Variants in APPBP2 observed in about 807,000 individuals in gnomAD.
APPBP2 encodes amyloid protein-binding protein 2.
A neutral mutation model predicts 76.0 loss-of-function variants in APPBP2; 15 were observed. That is an observed-to-expected ratio of 0.20 (90% CI 0.13 to 0.30). The LOEUF (loss-of-function observed/expected upper bound fraction) is 0.30, where lower values mean the gene tolerates loss of function less well. Ranked by LOEUF, APPBP2 falls within the 10% of genes least tolerant of loss-of-function variation. The pLI is 1.00. For synonymous variants in APPBP2, 222 were observed against 242.2 expected, an observed-to-expected ratio of 0.92 and a Z score of 0.77; for missense variants, 401 against 687.2, an observed-to-expected ratio of 0.58 and a Z score of 4.66.
chr17:60,495,569 A>G (rs972731550), intron 2 of APPBP2, among the ~76,000 whole-genome samples: 8 of 151,864 alleles, frequency 5.3e-5, no homozygotes, highest in African/African-American at 1.9e-4. Context: ...ACTGGTCTCA[A>G]TTAAGATCCT....
intron 4 of APPBP2, among the ~76,000 whole-genome samples, chr17:60,472,838 G>A (rs1020683970): frequency 2.6e-5 from 4 of 152,074 alleles, no homozygotes; most frequent in Non-Finnish European, 5.9e-5. Flanking sequence ...GTACTTTTAA[G>A]GTACACTGCT....
chr17:60,480,281 G>C (rs2090619197), intron 3 of APPBP2, among the ~76,000 whole-genome samples: 1 of 152,092 alleles, frequency 6.6e-6, no homozygotes, highest in Non-Finnish European at 1.5e-5. Context: ...GCTGGGGTGG[G>C]AGAATGGCTT....
At chr17:60,480,836 G>C (rs1242941624) in intron 3 of APPBP2, among the ~76,000 whole-genome samples, 3 of 152,154 alleles carry the variant, frequency 2.0e-5, no homozygotes, top group African/African-American at 7.2e-5. Flanking sequence ...AGGCACTGGA[G>C]AAATGGGCTG....
rs565202971 is a variant in APPBP2, at chr17:60,491,608, C to T, written c.379+2858G>A. ...TACAGGCACCCGCCAACAGGCCCGG[C>T]TAGTTTTTGTATTTTTAGTAGAGAT... On this transcript the variant is annotated intron_variant, in intron 3 of 12. Coordinates refer to ENST00000083182, the MANE Select transcript of APPBP2 (RefSeq NM_006380.5). Among the ~76,000 whole-genome samples, 3 of 152,066 alleles carry T rather than the reference C, an allele frequency of 2.0e-5. 1 individual carries two copies. In the South Asian group the frequency reaches 6.2e-4, roughly 32 times the overall value.
intron 3 of APPBP2, among the ~76,000 whole-genome samples, chr17:60,491,839 G>C (rs557837783): frequency 6.6e-6 from 1 of 152,312 alleles, no homozygotes; most frequent in South Asian, 2.1e-4. Context: ...TTTGTGAGAA[G>C]AACTGCAAGC....
chr17:60,453,410 C>A (rs974103933), intron 11 of APPBP2, among the ~76,000 whole-genome samples: 10 of 151,932 alleles, frequency 6.6e-5, no homozygotes, highest in Admixed American at 4.6e-4. Flanking sequence ...TCTTGAACTC[C>A]TGACCCTCAA....
rs1555637800 is a variant in APPBP2 at position 60,525,939 on chromosome 17, CCCTCCTCCT to C, written c.-17_-9del. The C allele has an allele frequency of 1.9e-5, 31 of 1,593,392 alleles. No homozygotes were observed. Among genetic ancestry groups the C allele is most frequent in the East Asian group, 4.5e-5 (2 of 44,166 alleles). On this transcript the variant is annotated 5_prime_UTR_variant, in exon 1 of 13. Transcript: ENST00000083182. ...TAGTTCCACGGCCGCCATCTTCCTT[CCCTCCTCCT>C]CCGCCTCCTCCGCCTCCTCCTCCCG... is the stretch of plus-strand genomic sequence containing the variant.
intron 12 of APPBP2, among the ~76,000 whole-genome samples, chr17:60,449,145 G>A (rs2090372039): frequency 6.6e-6 from 1 of 152,196 alleles, no homozygotes; most frequent in South Asian, 2.1e-4. Context: ...ACTCTAAGTA[G>A]TAGGTCTGTT....
intron 12 of APPBP2, among the ~76,000 whole-genome samples, chr17:60,450,958 T>C (rs2090390286): frequency 6.6e-6 from 1 of 152,090 alleles, no homozygotes; most frequent in Non-Finnish European, 1.5e-5. Flanking sequence ...GACAAATCAA[T>C]ATAAAAATGG....
intron 3 of APPBP2, among the ~76,000 whole-genome samples, chr17:60,490,036 GAAAACAAAACAAAAC>G (rs113547899): frequency 1.3e-5 from 2 of 151,378 alleles, no homozygotes; most frequent in African/African-American, 4.9e-5. Flanking sequence ...CTCCATCTCA[GAAAACAAAACAAAAC>G]AAAACAAAAC....
chr17:60,483,280 A>AT (rs1598358687), intron 3 of APPBP2, among the ~76,000 whole-genome samples: 1 of 151,486 alleles, frequency 6.6e-6, no homozygotes, highest in East Asian at 1.9e-4. Flanking sequence ...GGGTTGTTTG[A>AT]TTTTTTCTTG....
intron 3 of APPBP2, among the ~76,000 whole-genome samples, chr17:60,485,747 G>C (rs889696226): frequency 6.6e-6 from 1 of 151,996 alleles, no homozygotes; most frequent in Non-Finnish European, 1.5e-5. Context: ...GCTAGCTTTC[G>C]AACTTGTTTG....
At position 60,445,985 on chromosome 17, in the gene APPBP2, T is replaced by C. The variant is rs1004685094; in HGVS notation, c.*1596A>G. The C allele has an allele frequency of 2.6e-5, 4 of 152,140 alleles. No homozygotes were observed. Among genetic ancestry groups the C allele is most frequent in the Admixed American group, 1.3e-4 (2 of 15,268 alleles). 9.4% of individuals were successfully genotyped at this position (152,140 alleles called of 1,614,324 possible). A position where few individuals can be genotyped will look rare whatever the true frequency, so the allele number is the denominator to read the frequency against. On this transcript the variant is annotated 3_prime_UTR_variant, in exon 13 of 13. Transcript: ENST00000083182. Reference sequence around the variant, plus strand: ...AAAAGTGCTTAAAATATTAATAAAATTTGAAATCTACAACTTTTCTGTACT... The same window carrying C: ...AAAAGTGCTTAAAATATTAATAAAACTTGAAATCTACAACTTTTCTGTACT...
intron 1 of APPBP2, among the ~76,000 whole-genome samples, chr17:60,504,274 G>A (rs2090848345): frequency 6.6e-6 from 1 of 152,006 alleles, no homozygotes; most frequent in Non-Finnish European, 1.5e-5. Context: ...TCACCCACCA[G>A]ATATAAAAAC....
chr17:60,479,586 A>G (rs1329308540), intron 3 of APPBP2, among the ~76,000 whole-genome samples: 1 of 152,220 alleles, frequency 6.6e-6, no homozygotes, highest in East Asian at 1.9e-4. Flanking sequence ...CTTGGAGTGT[A>G]CATATAACTT....
At chr17:60,471,463 CT>C (rs2090552004) in intron 4 of APPBP2, among the ~76,000 whole-genome samples, 1 of 151,238 alleles carries the variant, frequency 6.6e-6, no homozygotes, top group South Asian at 2.1e-4. Context: ...CATAAATACT[CT>C]TTATCATATT....
intron 12 of APPBP2, 53 bp downstream of exon 12, chr17:60,451,827 C>A (rs142010954): frequency 6.8e-7 from 1 of 1,473,372 alleles, no homozygotes; most frequent in African/African-American, 1.4e-5. Context: ...ATAAGACATG[C>A]TGACATGTTG....
At chr17:60,451,484 A>T (rs931255917) in intron 12 of APPBP2, among the ~76,000 whole-genome samples, 4 of 151,574 alleles carry the variant, frequency 2.6e-5, no homozygotes, top group African/African-American at 9.7e-5. Flanking sequence ...TATTTTATTT[A>T]TTTTTTTGAG....
chr17:60,525,445 G>A (rs1470850251), intron 1 of APPBP2, among the ~76,000 whole-genome samples: 3 of 152,168 alleles, frequency 2.0e-5, no homozygotes, highest in South Asian at 4.1e-4. Flanking sequence ...GGAAGGAGAG[G>A]ATGGAAAATA....
Sources: gnomAD v4.1 joint callset for allele counts (sites outside exome capture counted in the v4.1 genomes callset) on GRCh38, gnomAD v4.1.1 for gene constraint, MANE v1.5 for transcripts, NCBI Gene and HGNC (gene_info 2026-07-23, HGNC 2026-07-21) for gene names.